The following CIITA variants were observed in gnomAD, a reference collection of about 807,000 sequenced individuals.
CIITA encodes the protein class II major histocompatibility complex transactivator, also known as MHC class II transactivator.
Under a neutral mutation model 115.1 loss-of-function variants are expected in CIITA, and 72 were observed. That is an observed-to-expected ratio of 0.63 (90% confidence interval 0.52 to 0.76). CIITA has a LOEUF of 0.76. Ranked by LOEUF, CIITA falls within the 30% of genes least tolerant of loss-of-function variation. CIITA has a pLI of 0.00. For missense variants in CIITA, 1,617 were observed against 1,463.8 expected (o/e 1.10, Z -1.71); for synonymous variants, 763 against 635.6 (o/e 1.20, Z -3.02).
At chr16:10,884,450 T>G (rs1187512435) in intron 1 of CIITA, among the ~76,000 whole-genome samples, 1 of 152,220 alleles carries the variant, frequency 6.6e-6, no homozygotes, top group Non-Finnish European at 1.5e-5. Flanking sequence ...AGTCTCACTC[T>G]GTTGCCCAGG....
chr16:10,916,237 T>C (rs1412254831), intron 14 of CIITA, 130 bp from the exon 15 acceptor site: 1 of 810,792 alleles, frequency 1.2e-6, no homozygotes, highest in Non-Finnish European at 2.1e-6. Flanking sequence ...ATGTGCCGGC[T>C]GCCTATGGTG....
At position 10,923,188 on chromosome 16, in the gene CIITA, T is replaced by C. The variant is rs1399647859; in HGVS notation, c.3318-40T>C. On this transcript the variant is annotated intron_variant, in intron 18 of 19. Coordinates refer to ENST00000324288, the MANE Select transcript of CIITA (RefSeq NM_000246.4). This position sits in a 1 kb window ranked among gnomAD's most constrained non-coding sequence, Gnocchi z 5.2. ...GTCACTGGGGCCCCAGGCCGCCCTC[T>C]CTCCTCTAACCTGGCTCTGAGTCCC... 1 of 1,597,114 alleles carries C rather than the reference T, an allele frequency of 6.3e-7. No individual in the cohort carries two copies. Among genetic ancestry groups the C allele is most frequent in the African/African-American group, 1.3e-5 (1 of 74,572 alleles).
At chr16:10,902,230 G>C in intron 7 of CIITA, 46 bp downstream of exon 7, 1 of 1,611,814 alleles carries the variant, frequency 6.2e-7, no homozygotes, top group Non-Finnish European at 8.5e-7. Context: ...CCTCTTGGGA[G>C]GTGGATAAGG....
intron 1 of CIITA, among the ~76,000 whole-genome samples, chr16:10,890,719 G>T (rs115413730): frequency 6.6e-6 from 1 of 152,178 alleles, no homozygotes; most frequent in East Asian, 1.9e-4. Flanking sequence ...TCTCACAAAC[G>T]TAAGAAGCAA....
rs1464223415 is a variant in CIITA, at chr16:10,901,134, G to A, written c.437-380G>A. 6.6e-6 allele frequency among the ~76,000 whole-genome samples: 1 copy of A among 152,172 alleles called. No homozygotes were observed. Among genetic ancestry groups the A allele is most frequent in the African/African-American group, 2.4e-5 (1 of 41,446 alleles). Reference sequence around the variant, plus strand: ...CTGATTTCTGGCATACTCCTGCAATGTAGGAACCACCACCCCCATTTCATA... The same window carrying A: ...CTGATTTCTGGCATACTCCTGCAATATAGGAACCACCACCCCCATTTCATA... On this transcript the variant is annotated intron_variant, in intron 5 of 19. Coordinates refer to ENST00000324288, the MANE Select transcript of CIITA (RefSeq NM_000246.4). The surrounding 1 kb of genome is among the most constrained non-coding windows in gnomAD (Gnocchi z 6.8).
Position 10,907,823 on chromosome 16 carries a change from G to A in CIITA, c.2331G>A (p.Ser777=), listed in dbSNP as rs34685848. The part of the protein sequence containing the change: ...ARCLGALLGP[S]AAASVDRKQK... ...GCCTGGGAGCCCTACTCGGGCCATCGGCGGCTGCCTCGGTGGACAGGAAGC... is the reference window on the plus strand; with the variant it reads ...GCCTGGGAGCCCTACTCGGGCCATCAGCGGCTGCCTCGGTGGACAGGAAGC... Residue 777 remains serine, a synonymous_variant, in exon 11 of 20, where the codon TCG becomes TCA. Transcript: ENST00000324288. The surrounding 1 kb of genome is among the most constrained non-coding windows in gnomAD (Gnocchi z 5.0). 9 of 1,613,734 alleles carry A rather than the reference G, an allele frequency of 5.6e-6. No individual in the cohort carries two copies. Among genetic ancestry groups the A allele is most frequent in the South Asian group, 4.4e-5 (4 of 91,070 alleles).
At chr16:10,892,959 T>C (rs1179133674) in intron 1 of CIITA, among the ~76,000 whole-genome samples, 2 of 151,852 alleles carry the variant, frequency 1.3e-5, no homozygotes, top group Non-Finnish European at 2.9e-5. Context: ...GAATTAAAGA[T>C]CTTGAAATGA....
At chr16:10,876,192 A>G (rs923900065), upstream of CIITA, among the ~76,000 whole-genome samples, 1 of 151,726 alleles carries the variant, frequency 6.6e-6, no homozygotes, top group Non-Finnish European at 1.5e-5. Context: ...AACCCCAACA[A>G]TTTGTAGACA....
At chr16:10,913,768 T>C (rs1355925127) in intron 13 of CIITA, among the ~76,000 whole-genome samples, 2 of 151,750 alleles carry the variant, frequency 1.3e-5, no homozygotes, top group Admixed American at 1.3e-4. Flanking sequence ...TGAAACCCCA[T>C]CTCTACTAAA....
intron 1 of CIITA, among the ~76,000 whole-genome samples, chr16:10,892,043 G>A (rs2144130897): frequency 6.6e-6 from 1 of 152,334 alleles, no homozygotes; most frequent in East Asian, 1.9e-4. Context: ...GGGTCTCTGG[G>A]CCGGGTGTGG....
rs772703817 is a variant in CIITA, at chr16:10,907,255, C to T, written c.1763C>T (p.Thr588Ile). 3 of 1,613,478 alleles carry T rather than the reference C, an allele frequency of 1.9e-6. No individual in the cohort carries two copies. Among genetic ancestry groups the T allele is most frequent in the Non-Finnish European group, 2.5e-6 (3 of 1,179,980 alleles). ...VMRYFESSGM[T>I]EHQDRALTLL... ...CGCTACTTTGAGAGCTCAGGGATGA[C>T]AGAGCACCAAGACAGAGCCCTGACG... The change falls in exon 11 of 20, where the codon ACA becomes ATA. Residue 588 changes from threonine to isoleucine, a missense_variant. By Grantham distance (89) the Thr-to-Ile change is moderately conservative (BLOSUM62 -1). Coordinates refer to ENST00000324288, the MANE Select transcript of CIITA (RefSeq NM_000246.4). The surrounding 1 kb of genome is among the most constrained non-coding windows in gnomAD (Gnocchi z 5.0).
chr16:10,907,523 G>C lies in CIITA; in HGVS notation c.2031G>C (p.Glu677Asp), dbSNP rs2039255189. The change falls in exon 11 of 20, where the codon GAG (glutamate) becomes GAC (aspartate). Residue 677 changes from glutamate (E) to aspartate (D), a missense_variant. By Grantham distance (45) the Glu-to-Asp change is conservative (BLOSUM62 2). Transcript: ENST00000324288. The surrounding 1 kb of genome is among the most constrained non-coding windows in gnomAD (Gnocchi z 5.0). ...LGRRHQSTLQ[E>D]DQFPSADVRT... ...GCAGACATCAAAGTACCCTACAGGA[G>C]GACCAGTTCCCATCCGCAGACGTGA... 37 of 1,614,042 alleles carry C rather than the reference G, an allele frequency of 2.3e-5. No homozygotes were observed. Among genetic ancestry groups the C allele is most frequent in the Non-Finnish European group, 3.1e-5 (36 of 1,180,036 alleles).
intron 3 of CIITA, among the ~76,000 whole-genome samples, chr16:10,898,199 A>G (rs949402324): frequency 1.3e-5 from 2 of 152,118 alleles, no homozygotes; most frequent in African/African-American, 4.8e-5. Context: ...ACCACTATTT[A>G]CTGAGTGCCT....
intron 3 of CIITA, among the ~76,000 whole-genome samples, chr16:10,897,471 G>A (rs145374163): frequency 1.3e-5 from 2 of 152,274 alleles, no homozygotes; most frequent in African/African-American, 4.8e-5. Context: ...GCCACATAGG[G>A]GATTACATTT....
At chr16:10,878,335 C>T (rs979418795) in intron 1 of CIITA, among the ~76,000 whole-genome samples, 1 of 152,092 alleles carries the variant, frequency 6.6e-6, no homozygotes, top group Non-Finnish European at 1.5e-5. Flanking sequence ...TTGCCCCCTC[C>T]CTCAATTCCA....
At position 10,901,903 on chromosome 16, in the gene CIITA, C is replaced by G. The variant is rs1293988967; in HGVS notation, c.482-135C>G. 1.6e-6 allele frequency: 2 copies of G among 1,283,888 alleles called. No individual in the cohort carries two copies. The highest frequency in any genetic ancestry group is 4.6e-5 in the East Asian group (2 of 43,406). 79.5% of individuals were successfully genotyped at this position (1,283,888 alleles called of 1,614,324 possible). A position where few individuals can be genotyped will look rare whatever the true frequency, so the allele number is the denominator to read the frequency against. On this transcript the variant is annotated intron_variant, in intron 6 of 19. Coordinates refer to ENST00000324288, the MANE Select transcript of CIITA (RefSeq NM_000246.4). This position sits in a 1 kb window ranked among gnomAD's most constrained non-coding sequence, Gnocchi z 6.8. Reference sequence around the variant, plus strand: ...GGCACAGAGCAGTTGCTGATCAACACAGCTGCAGCCAGGGCTGAGAAGATG... The same window carrying G: ...GGCACAGAGCAGTTGCTGATCAACAGAGCTGCAGCCAGGGCTGAGAAGATG...
Position 10,908,104 on chromosome 16 carries a change from C to G in CIITA, c.2612C>G (p.Ser871Cys). The G allele has an allele frequency of 6.3e-7, 1 of 1,599,696 alleles. No individual in the cohort carries two copies. The highest frequency in any genetic ancestry group is 8.5e-7 in the Non-Finnish European group (1 of 1,173,160). Residue 871 changes from serine to cysteine, a missense_variant, in exon 11 of 20, where the codon TCT becomes TGT. Physicochemically the swap from Ser to Cys is moderately radical, Grantham distance 112. Transcript: ENST00000324288. ...LDLRSTGICP[S>C]GLGSLVGLSC... ...CTCCGCAGCACTGGCATTTGCCCCTCTGGATTGGGGAGCCTCGTGGGACTC... is the reference window on the plus strand; with the variant it reads ...CTCCGCAGCACTGGCATTTGCCCCTGTGGATTGGGGAGCCTCGTGGGACTC...
chr16:10,902,332 C>T, intron 7 of CIITA, 148 bp downstream of exon 7: 2 of 1,192,604 alleles, frequency 1.7e-6, no homozygotes, highest in South Asian at 2.8e-5. Flanking sequence ...CCAGTTTTAT[C>T]CTTGGGGCCC....
At chr16:10,899,168 A>T (rs1376414035) in intron 5 of CIITA, among the ~76,000 whole-genome samples, 166 bp downstream of exon 5, 1 of 152,128 alleles carries the variant, frequency 6.6e-6, no homozygotes, top group East Asian at 1.9e-4. Flanking sequence ...TGATTATTTC[A>T]TGGCCCTGAT....
Sources: allele counts gnomAD v4.1 joint callset (sites outside exome capture counted in the v4.1 genomes callset), GRCh38; gene constraint gnomAD v4.1.1; non-coding constraint Gnocchi (gnomAD v3.1); transcripts MANE v1.5; gene names NCBI Gene and HGNC (gene_info 2026-07-23, HGNC 2026-07-21).